Variants in ITPR1 observed in about 807,000 individuals in gnomAD.
ITPR1 encodes inositol 1,4,5-trisphosphate receptor type 1, also known as inositol 1,4,5-trisphosphate-gated calcium channel ITPR1.
In ITPR1, 96 loss-of-function variants were observed where a neutral mutation model predicts 318.4. That is an observed-to-expected ratio of 0.30 (90% confidence interval 0.26 to 0.36). ITPR1 has a LOEUF of 0.36. ITPR1 is among the 10% of genes least tolerant of loss of function. ITPR1 has a pLI of 1.00. For missense variants in ITPR1, 2,440 were observed against 3,460.2 expected (o/e 0.71, Z 7.40); for synonymous variants, 1,312 against 1,289.9 (o/e 1.02, Z -0.37).
At chr3:4,678,548 G>C (rs970166560) in intron 24 of ITPR1, among the ~76,000 whole-genome samples, 4 of 152,192 alleles carry the variant, frequency 2.6e-5, no homozygotes, top group African/African-American at 9.7e-5. Context: ...TCGAACAGGG[G>C]CTCCATCCAC....
At chr3:4,675,023 G>A in intron 22 of ITPR1, 45 bp from the exon 23 acceptor site, 1 of 1,030,128 alleles carries the variant, frequency 9.7e-7, no homozygotes, top group Non-Finnish European at 1.5e-6. Context: ...TGAAGGGGAT[G>A]CAGTTTATGT....
At chr3:4,695,576 G>A (rs192641308) in intron 33 of ITPR1, among the ~76,000 whole-genome samples, 5 of 152,282 alleles carry the variant, frequency 3.3e-5, no homozygotes. Context: ...GCTGTCTCCT[G>A]AGGGTAACCA....
At chr3:4,647,206 T>C (rs139759371) in intron 10 of ITPR1, among the ~76,000 whole-genome samples, 139 of 152,286 alleles carry the variant, frequency 9.1e-4, no homozygotes, top group African/African-American at 3.0e-3. Context: ...GATTCGTATA[T>C]ATTCTTGCAT....
At chr3:4,820,564 G>A (rs555188640) in intron 60 of ITPR1, among the ~76,000 whole-genome samples, 1 of 152,342 alleles carries the variant, frequency 6.6e-6, no homozygotes, top group African/African-American at 2.4e-5. Flanking sequence ...CTGCTGCGTG[G>A]CAACACTCTG....
At chr3:4,704,080 G>A (rs1389246789) in intron 36 of ITPR1, among the ~76,000 whole-genome samples, 1 of 152,114 alleles carries the variant, frequency 6.6e-6, no homozygotes, top group Non-Finnish European at 1.5e-5. Context: ...TAAAGATGGG[G>A]GACTACTAGA....
intron 55 of ITPR1, among the ~76,000 whole-genome samples, chr3:4,808,135 T>C (rs1042071554): frequency 6.6e-6 from 1 of 152,224 alleles, no homozygotes; most frequent in Admixed American, 6.5e-5. Flanking sequence ...CCTACCCTCA[T>C]AGGCCTCACA....
At chr3:4,582,912 C>T (rs574881408) in intron 4 of ITPR1, among the ~76,000 whole-genome samples, 3 of 152,180 alleles carry the variant, frequency 2.0e-5, no homozygotes, top group Non-Finnish European at 4.4e-5. Flanking sequence ...GCTGGTGGCA[C>T]GTTGTCTGAG....
intron 33 of ITPR1, among the ~76,000 whole-genome samples, chr3:4,695,974 G>A (rs1054266786): frequency 1.3e-5 from 2 of 152,160 alleles, no homozygotes; most frequent in Admixed American, 6.5e-5. Flanking sequence ...ATACAGTCCA[G>A]TTGTTTTTAG....
chr3:4,615,015 A>G (rs1449992412), intron 4 of ITPR1, among the ~76,000 whole-genome samples: 2 of 152,200 alleles, frequency 1.3e-5, no homozygotes, highest in Non-Finnish European at 2.9e-5. Flanking sequence ...AGAATATTGT[A>G]TAGCTCACAG....
intron 4 of ITPR1, among the ~76,000 whole-genome samples, chr3:4,586,024 G>A (rs992515904): frequency 6.6e-6 from 1 of 151,468 alleles, no homozygotes; most frequent in African/African-American, 2.4e-5. Context: ...GTAGTGTTTG[G>A]TTTTCTGTCC....
intron 4 of ITPR1, among the ~76,000 whole-genome samples, chr3:4,607,926 T>C (rs1204707999): frequency 1.3e-5 from 2 of 152,192 alleles, no homozygotes; most frequent in African/African-American, 4.8e-5. Context: ...CAATTGATTA[T>C]GTCTACACCT....
At chr3:4,525,133 C>T (rs1327923128) in intron 4 of ITPR1, among the ~76,000 whole-genome samples, 1 of 151,912 alleles carries the variant, frequency 6.6e-6, no homozygotes, top group Non-Finnish European at 1.5e-5. Context: ...GCACATGAAC[C>T]CCTGGGCTTG....
At chr3:4,533,586 CT>C (rs1207962876) in intron 4 of ITPR1, among the ~76,000 whole-genome samples, 1 of 152,232 alleles carries the variant, frequency 6.6e-6, no homozygotes, top group Admixed American at 6.5e-5. Context: ...CGGGACATCT[CT>C]TAGGAAGCTC....
Position 4,615,619 on chromosome 3 carries a change from A to T in ITPR1, c.164-12144A>T, listed in dbSNP as rs2092357963. On this transcript the variant is annotated intron_variant, in intron 4 of 61. Coordinates refer to ENST00000649015, the MANE Select transcript of ITPR1 (RefSeq NM_001378452.1). ...TCGAACTCCTGACCTCAGGTGATCC[A>T]CTCGCCTTGGCCTCCCCAAAGTGCT... 2.0e-5 allele frequency among the ~76,000 whole-genome samples: 3 copies of T among 151,654 alleles called. No homozygotes were observed. The South Asian group carries it at 6.2e-4, about 32-fold the overall frequency.
At chr3:4,824,129 G>A (rs957656879) in intron 60 of ITPR1, among the ~76,000 whole-genome samples, 1 of 152,188 alleles carries the variant, frequency 6.6e-6, no homozygotes, top group Non-Finnish European at 1.5e-5. Flanking sequence ...AATATCGGGG[G>A]AGAACCTGCC....
chr3:4,633,901 A>G (rs970148693), intron 5 of ITPR1, among the ~76,000 whole-genome samples: 2 of 152,210 alleles, frequency 1.3e-5, no homozygotes, highest in Non-Finnish European at 2.9e-5. Flanking sequence ...TTGCTTCAAT[A>G]TCGCATTACA....
intron 4 of ITPR1, among the ~76,000 whole-genome samples, chr3:4,592,200 G>A (rs1006125491): frequency 6.6e-5 from 10 of 152,224 alleles, no homozygotes; most frequent in African/African-American, 2.4e-4. Flanking sequence ...GGGAATGCTA[G>A]TAAGTTGCTT....
chr3:4,508,086 C>G (rs925061657), intron 2 of ITPR1, among the ~76,000 whole-genome samples: 1 of 152,132 alleles, frequency 6.6e-6, no homozygotes, highest in Admixed American at 6.5e-5. Flanking sequence ...GGGTTGCAGG[C>G]AGGCAGGGGA....
intron 2 of ITPR1, among the ~76,000 whole-genome samples, chr3:4,508,455 GTT>G (rs4054897): frequency 1.7e-4 from 22 of 125,722 alleles, no homozygotes; most frequent in Middle Eastern, 4.3e-3. Context: ...GAAAATCAAG[GTT>G]TTTTTTTTTT....
Sources: allele counts gnomAD v4.1 joint callset (sites outside exome capture counted in the v4.1 genomes callset), GRCh38; gene constraint gnomAD v4.1.1; transcripts MANE v1.5; gene names NCBI Gene and HGNC (gene_info 2026-07-23, HGNC 2026-07-21).